PLA2R1: variants seen among roughly 807,000 people sequenced by gnomAD.
PLA2R1 encodes the protein phospholipase A2 receptor 1.
Under a neutral mutation model 195.9 loss-of-function variants are expected in PLA2R1, and 158 were observed. The observed-to-expected ratio is 0.81, with a 90% confidence interval of 0.71 to 0.92. PLA2R1 has a LOEUF of 0.92. Among genes scored for constraint, PLA2R1 ranks in the 40% least tolerant of loss-of-function variants. The pLI, the probability that PLA2R1 is intolerant of heterozygous loss-of-function variation, is 0.00. For missense variants in PLA2R1, 1,626 were observed against 1,764.6 expected (o/e 0.92, Z 1.41); for synonymous variants, 586 against 598.2 (o/e 0.98, Z 0.30).
intron 18 of PLA2R1, among the ~76,000 whole-genome samples, chr2:159,969,861 T>A (rs1256866182): frequency 6.6e-6 from 1 of 152,126 alleles, no homozygotes; most frequent in Non-Finnish European, 1.5e-5. Context: ...AGATTTTATG[T>A]TAAGAGTTCT....
chr2:159,953,782 A>G (rs541796419), intron 23 of PLA2R1, among the ~76,000 whole-genome samples: 10 of 152,310 alleles, frequency 6.6e-5, no homozygotes, highest in African/African-American at 2.4e-4. Context: ...AGGTAGTGGA[A>G]TAGAATCATT....
chr2:159,983,269 A>G (rs71423036), intron 13 of PLA2R1, among the ~76,000 whole-genome samples: 1 of 152,196 alleles, frequency 6.6e-6, no homozygotes, highest in East Asian at 1.9e-4. Flanking sequence ...GCAGATGACC[A>G]CGGTATGTGG....
At chr2:160,057,950 G>A (rs1224357217) in intron 1 of PLA2R1, among the ~76,000 whole-genome samples, 1 of 152,142 alleles carries the variant, frequency 6.6e-6, no homozygotes, top group Non-Finnish European at 1.5e-5. Flanking sequence ...GGGAGTTGGT[G>A]GATAAATACT....
chr2:159,947,195 T>C (rs1056309094), intron 26 of PLA2R1, among the ~76,000 whole-genome samples: 4 of 152,238 alleles, frequency 2.6e-5, no homozygotes, highest in Non-Finnish European at 4.4e-5. Flanking sequence ...AAGTGCAGTA[T>C]GCTGAGACAT....
intron 11 of PLA2R1, among the ~76,000 whole-genome samples, chr2:159,999,799 C>G (rs1468802455): frequency 6.6e-6 from 1 of 152,078 alleles, no homozygotes; most frequent in African/African-American, 2.4e-5. Context: ...AAAGATTGAG[C>G]AGTAGACTGA....
chr2:160,009,831 G>C (rs1174822744), intron 10 of PLA2R1, among the ~76,000 whole-genome samples: 1 of 152,064 alleles, frequency 6.6e-6, no homozygotes, highest in Non-Finnish European at 1.5e-5. Flanking sequence ...GCTTAGGAGG[G>C]GTATAGTGGC....
At chr2:160,005,081 C>A (rs1363177551) in intron 11 of PLA2R1, among the ~76,000 whole-genome samples, 2 of 152,128 alleles carry the variant, frequency 1.3e-5, no homozygotes, top group African/African-American at 4.8e-5. Context: ...GGACTTGCTG[C>A]TAATAAAGGC....
At position 160,028,969 on chromosome 2, in the gene PLA2R1, A is replaced by G. The variant is rs754235972; in HGVS notation, c.842-6T>C. On this transcript the variant is annotated splice_polypyrimidine_tract_variant and splice_region_variant and intron_variant, in intron 4 of 29. Coordinates refer to ENST00000283243, the MANE Select transcript of PLA2R1 (RefSeq NM_007366.5). ...TGTTTTACTGCTCATGTGCTCTGAAATGAAAATTATGGAGCTTCAAAAAAA... is the reference window on the plus strand; with the variant it reads ...TGTTTTACTGCTCATGTGCTCTGAAGTGAAAATTATGGAGCTTCAAAAAAA... 1 of 1,464,342 alleles carries G rather than the reference A, an allele frequency of 6.8e-7. No individual in the cohort carries two copies. Among genetic ancestry groups the G allele is most frequent in the Non-Finnish European group, 9.6e-7 (1 of 1,040,108 alleles). 90.7% of individuals were successfully genotyped at this position (1,464,342 alleles called of 1,614,324 possible).
chr2:160,016,754 C>A, intron 8 of PLA2R1, 42 bp from the exon 9 acceptor site: 1 of 912,298 alleles, frequency 1.1e-6, no homozygotes, highest in Admixed American at 1.8e-5. Context: ...ACACTCTGTG[C>A]TGATACCGAT....
At chr2:160,022,922 C>G in intron 6 of PLA2R1, 63 bp from the exon 7 acceptor site, 1 of 1,155,180 alleles carries the variant, frequency 8.7e-7, no homozygotes, top group Non-Finnish European at 1.2e-6. Context: ...CTTATTACAG[C>G]TTATGTAAAT....
chr2:159,997,819 T>C (rs993343794), intron 11 of PLA2R1, among the ~76,000 whole-genome samples: 12 of 152,004 alleles, frequency 7.9e-5, no homozygotes, highest in Admixed American at 7.2e-4. Flanking sequence ...CTAAGAAGAG[T>C]TGTTGATTTT....
chr2:159,976,023 A>T, intron 17 of PLA2R1, 45 bp downstream of exon 17: 1 of 1,458,910 alleles, frequency 6.9e-7, no homozygotes, highest in Non-Finnish European at 9.5e-7. Context: ...GGGCAAAAGA[A>T]GGTGCTAAAC....
chr2:160,019,056 T>C (rs1352040271), intron 8 of PLA2R1, among the ~76,000 whole-genome samples: 1 of 152,208 alleles, frequency 6.6e-6, no homozygotes, highest in Non-Finnish European at 1.5e-5. Context: ...GTTTTAGGCA[T>C]AATAAACTGT....
chr2:160,023,129 G>T (rs1693251518), intron 6 of PLA2R1, among the ~76,000 whole-genome samples: 1 of 152,100 alleles, frequency 6.6e-6, no homozygotes, highest in African/African-American at 2.4e-5. Flanking sequence ...AGGAGGGATG[G>T]CAGCAAGATG....
At chr2:159,979,413 A>G (rs980522380) in intron 14 of PLA2R1, among the ~76,000 whole-genome samples, 2 of 152,182 alleles carry the variant, frequency 1.3e-5, no homozygotes, top group African/African-American at 4.8e-5. Flanking sequence ...AGTGAGATAA[A>G]TGAAAAATCA....
In PLA2R1 at chr2:159,932,734, G is replaced by C. The variant is rs1045431953; in HGVS notation, c.*9044C>G. The C allele has an allele frequency of 2.6e-5, 4 of 152,180 alleles. No homozygotes were observed. The highest frequency in any genetic ancestry group is 9.7e-5 in the African/African-American group (4 of 41,436). 9.4% of individuals were successfully genotyped at this position (152,180 alleles called of 1,614,324 possible). On this transcript the variant is annotated 3_prime_UTR_variant, in exon 30 of 30. Coordinates refer to ENST00000283243, the MANE Select transcript of PLA2R1 (RefSeq NM_007366.5). ...CTCAAGTTAATTCACAAACAACAGTGTGAAGACAATAATAAAACCACAGTT... is the reference window on the plus strand; with the variant it reads ...CTCAAGTTAATTCACAAACAACAGTCTGAAGACAATAATAAAACCACAGTT...
chr2:159,947,004 G>A (rs1574644898), intron 26 of PLA2R1, 87 bp from the exon 27 acceptor site: 2 of 857,262 alleles, frequency 2.3e-6, no homozygotes, highest in East Asian at 2.9e-5. Context: ...TAATTGTAAA[G>A]CTCAGGTTTT....
chr2:160,053,422 G>A (rs1389043192), intron 1 of PLA2R1, among the ~76,000 whole-genome samples: 1 of 151,826 alleles, frequency 6.6e-6, no homozygotes, highest in African/African-American at 2.4e-5. Flanking sequence ...CATTTGCAGG[G>A]TCCAGGGTGC....
intron 25 of PLA2R1, among the ~76,000 whole-genome samples, chr2:159,947,889 CAGAG>C (rs72185409): frequency 0.18 from 26,907 of 152,000 alleles, 2,702 homozygotes; most frequent in South Asian, 0.42. Flanking sequence ...CTATGACTCC[CAGAG>C]AGAGTGGCAG....
Sources: allele counts gnomAD v4.1 joint callset (sites outside exome capture counted in the v4.1 genomes callset), GRCh38; gene constraint gnomAD v4.1.1; transcripts MANE v1.5; gene names NCBI Gene and HGNC (gene_info 2026-07-23, HGNC 2026-07-21).